The following LY9 variants were observed in gnomAD, a reference collection of about 807,000 sequenced individuals.
The protein encoded by LY9 is lymphocyte antigen 9.
LY9 carries 59 observed loss-of-function variants against 64.6 expected under a neutral mutation model. That is an observed-to-expected ratio of 0.91 (90% CI 0.74 to 1.13). The LOEUF (loss-of-function observed/expected upper bound fraction) is 1.13, where lower values mean the gene tolerates loss of function less well. Among genes scored for constraint, LY9 ranks in the 50% most tolerant of loss-of-function variants. The pLI is 0.00. For missense variants in LY9, 789 were observed against 797.2 expected (o/e 0.99, Z 0.12); for synonymous variants, 281 against 308.5 (o/e 0.91, Z 0.93).
chr1:160,823,919 G>T (rs1297651688), intron 8 of LY9, 123 bp downstream of exon 8: 2 of 824,986 alleles, frequency 2.4e-6, no homozygotes, highest in Non-Finnish European at 3.9e-6. Flanking sequence ...GGGCATACGG[G>T]CAGGGACTCA....
At chr1:160,808,483 A>T (rs1287671209) in intron 2 of LY9, among the ~76,000 whole-genome samples, 1 of 152,158 alleles carries the variant, frequency 6.6e-6, no homozygotes, top group Non-Finnish European at 1.5e-5. Context: ...ACAGTCTCCC[A>T]GCAGCTCCCT....
At chr1:160,823,826 C>T in intron 8 of LY9, 30 bp downstream of exon 8, 2 of 1,525,984 alleles carry the variant, frequency 1.3e-6, no homozygotes, top group Non-Finnish European at 1.8e-6. Context: ...ACACCTTCCT[C>T]CTCCTCCCAT....
In LY9 at chr1:160,818,227, G is replaced by A; in HGVS notation, c.1352G>A (p.Arg451Lys). 6.2e-7 allele frequency: 1 copy of A among 1,612,598 alleles called. No homozygotes were observed. Reference protein sequence around the residue: ...LSENICSGPERNTKLWIGLFL... With the variant: ...LSENICSGPEKNTKLWIGLFL... The stretch of plus-strand genomic sequence containing the variant: ...CATTTCCTCCTCAAAGGACCTGAGA[G>A]AAACACAAAGCTTTGGATTGGGTTG... The change falls in exon 6 of 10, where the codon AGA becomes AAA. Residue 451 changes from arginine (R) to lysine (K), a missense_variant. Physicochemically the swap from Arg to Lys is conservative, Grantham distance 26. Transcript: ENST00000263285.
Position 160,800,094 on chromosome 1 carries a change from A to G in LY9, c.454+12A>G. ...CCTGTTCGTCTATGGTGAGTTCCAG[A>G]GAGCTTCTGTGTTTTGATCTTTTCT... On this transcript the variant is annotated intron_variant, in intron 2 of 9. Transcript: ENST00000263285. 6.9e-6 allele frequency: 11 copies of G among 1,588,888 alleles called. No individual in the cohort carries two copies. The highest frequency in any genetic ancestry group is 8.6e-6 in the Non-Finnish European group (10 of 1,165,874).
intron 2 of LY9, among the ~76,000 whole-genome samples, chr1:160,807,976 G>C (rs1219825745): frequency 1.3e-5 from 2 of 152,156 alleles, no homozygotes; most frequent in Non-Finnish European, 2.9e-5. Flanking sequence ...CAGGCAGAGT[G>C]CTCAGGTGAG....
At chr1:160,804,262 C>G (rs1666762493) in intron 2 of LY9, among the ~76,000 whole-genome samples, 1 of 152,112 alleles carries the variant, frequency 6.6e-6, no homozygotes, top group African/African-American at 2.4e-5. Context: ...GAGGTATATT[C>G]CTTCTATGCC....
chr1:160,810,654 C>T (rs1667403400), intron 2 of LY9: 1 of 152,218 alleles, frequency 6.6e-6, no homozygotes, highest in African/African-American at 2.4e-5. Flanking sequence ...CCTCTGGCCT[C>T]TCAAAATTCA....
Position 160,814,270 on chromosome 1 carries a change from G to A in LY9, c.731-150G>A, listed in dbSNP as rs138478222. On this transcript the variant is annotated intron_variant, in intron 3 of 9. Transcript: ENST00000263285. ...GCCCAGTGGAACAGGTGGTCATGGA[G>A]AAGTAGCAGGCATGCCCCTCAGAGG... 4.2e-4 allele frequency: 272 copies of A among 650,082 alleles called. 3 individuals are homozygous for A. The East Asian group carries it at 7.2e-3, about 17-fold the overall frequency. 40.3% of individuals were successfully genotyped at this position (650,082 alleles called of 1,614,324 possible).
chr1:160,801,117 T>C (rs1666431757), intron 2 of LY9, among the ~76,000 whole-genome samples: 1 of 152,230 alleles, frequency 6.6e-6, no homozygotes, highest in African/African-American at 2.4e-5. Flanking sequence ...GCTAATTAAA[T>C]GTTTAGTTTT....
intron 2 of LY9, among the ~76,000 whole-genome samples, chr1:160,805,740 C>CACCTT: frequency 9.2e-6 from 1 of 108,828 alleles, no homozygotes; most frequent in South Asian, 3.1e-4. Context: ...CTCTCTCTGT[C>CACCTT]TCACACACAC....
chr1:160,810,303 C>T (rs2101783123), intron 2 of LY9: 1 of 152,358 alleles, frequency 6.6e-6, no homozygotes, highest in South Asian at 2.1e-4. Context: ...AGATGGCTTA[C>T]ACAACAGAAA....
Position 160,827,745 on chromosome 1 carries a change from C to T in LY9, c.1900-3C>T, listed in dbSNP as rs1398107991. The T allele has an allele frequency of 6.2e-6, 10 of 1,603,222 alleles. No individual in the cohort carries two copies. The highest frequency in any genetic ancestry group is 8.5e-6 in the Non-Finnish European group (10 of 1,174,906). On this transcript the variant is annotated splice_polypyrimidine_tract_variant and splice_region_variant and intron_variant, in intron 9 of 9. Transcript: ENST00000263285. ...TATTCTTTTGTGGATTTTTGGCTCA[C>T]AGGTGGTGCCACCACCACAACAGAA...
chr1:160,814,962 A>G, intron 4 of LY9: 1 of 590,248 alleles, frequency 1.7e-6, no homozygotes, highest in South Asian at 2.1e-5. Flanking sequence ...CTACCCGCCA[A>G]AGTGCCCCTG....
intron 2 of LY9, chr1:160,801,812 C>T (rs940462022): frequency 1.9e-5 from 31 of 1,613,852 alleles, no homozygotes; most frequent in Non-Finnish European, 2.5e-5. Flanking sequence ...AAAAGTTGTC[C>T]GTCCACGTCA....
intron 2 of LY9, among the ~76,000 whole-genome samples, chr1:160,804,417 C>T (rs1381708502): frequency 6.6e-6 from 1 of 152,160 alleles, no homozygotes. Flanking sequence ...GTTAAACCAT[C>T]CTTGCATCCC....
intron 2 of LY9, chr1:160,801,928 C>T: frequency 6.2e-7 from 1 of 1,612,322 alleles, no homozygotes; most frequent in East Asian, 2.2e-5. Context: ...GCCCTCGCCC[C>T]CACCTGCCAC....
In LY9 at chr1:160,814,760, C is replaced by T. The variant is rs1453071353; in HGVS notation, c.1071C>T (p.Tyr357=). 6.2e-7 allele frequency: 1 copy of T among 1,610,290 alleles called. No individual in the cohort carries two copies. Among genetic ancestry groups the T allele is most frequent in the Non-Finnish European group, 8.5e-7 (1 of 1,178,002 alleles). Residue 357 remains tyrosine (Y), a splice_region_variant and synonymous_variant, in exon 4 of 10, where the codon TAC becomes TAT. Coordinates refer to ENST00000263285, the MANE Select transcript of LY9 (RefSeq NM_002348.4). ...TSMTHVTLLI[Y]RRLRKPKITW... is the part of the protein sequence containing the mutation. The stretch of plus-strand genomic sequence containing the variant: ...TGACACATGTCACCCTGCTCATCTA[C>T]CGTGAGTCTCTGGGCAGGGCACCCA...
intron 2 of LY9, chr1:160,810,762 T>G (rs745621504): frequency 1.3e-5 from 2 of 152,162 alleles, no homozygotes; most frequent in Non-Finnish European, 2.9e-5. Context: ...TCCATCTAAA[T>G]ATTATTTAAA....
intron 1 of LY9, chr1:160,797,035 C>T (rs41266925): frequency 0.014 from 11,461 of 800,208 alleles, 98 homozygotes; most frequent in Non-Finnish European, 0.016. Context: ...GACCTGGACG[C>T]GGTTAGGTGA....
Sources: allele counts gnomAD v4.1 joint callset (sites outside exome capture counted in the v4.1 genomes callset), GRCh38; gene constraint gnomAD v4.1.1; transcripts MANE v1.5; gene names NCBI Gene and HGNC (gene_info 2026-07-23, HGNC 2026-07-21).